ALS2CL: variants seen among roughly 807,000 people sequenced by gnomAD.
The protein encoded by ALS2CL is ALS2 C-terminal like, also known as ALS2 C-terminal-like protein.
ALS2CL carries 112 observed loss-of-function variants against 127.9 expected under a neutral mutation model. The ratio of observed to expected loss-of-function variants is 0.88; its 90% CI spans 0.75 to 1.02. The LOEUF is 1.02. ALS2CL is among the 50% of genes least tolerant of loss of function. The pLI is 0.00. For synonymous variants in ALS2CL, 519 were observed against 527.6 expected, an observed-to-expected ratio of 0.98 and a Z score of 0.22; for missense variants, 1,174 against 1,236.7, an observed-to-expected ratio of 0.95 and a Z score of 0.76.
At position 46,671,885 on chromosome 3, in the gene ALS2CL, G is replaced by A. The variant is rs768343658; in HGVS notation, c.2683C>T (p.Arg895Ter). Residue 895 changes from arginine (R) to a stop codon, truncating the protein, a stop_gained and splice_region_variant, in exon 24 of 26, where the codon CGA (arginine) becomes TGA (stop). Coordinates refer to ENST00000318962, the MANE Select transcript of ALS2CL (RefSeq NM_147129.5). LOFTEE classifies it high-confidence loss of function. Reference protein sequence around the residue: ...PLLIYVVSRARIQHLGAEIHL... With the variant: ...PLLIYVVSRA ...ACCCCCAGCTCCTGACTGCCTCACC[G>A]GGCGCGCGACACCACGTAGATGAGA... is the stretch of plus-strand genomic sequence containing the variant. 20 of 1,613,310 alleles carry A rather than the reference G, an allele frequency of 1.2e-5. No homozygotes were observed. Among genetic ancestry groups the A allele is most frequent in the East Asian group, 4.5e-5 (2 of 44,848 alleles).
Position 46,678,481 on chromosome 3 carries a change from G to A in ALS2CL, c.1627-92C>T. 2.0e-6 allele frequency: 3 copies of A among 1,489,340 alleles called. No homozygotes were observed. In the South Asian group the frequency reaches 4.0e-5, roughly 20 times the overall value. 92.3% of individuals were successfully genotyped at this position (1,489,340 alleles called of 1,614,324 possible). A position where few individuals can be genotyped will look rare whatever the true frequency, so the allele number is the denominator to read the frequency against. ...GCCACAAGCCTGTCCATCAGTGTCAGAGAGGCTAAGGACTAATGAATGGGC... is the reference window on the plus strand; with the variant it reads ...GCCACAAGCCTGTCCATCAGTGTCAAAGAGGCTAAGGACTAATGAATGGGC... On this transcript the variant is annotated intron_variant, in intron 15 of 25. Coordinates refer to ENST00000318962, the MANE Select transcript of ALS2CL (RefSeq NM_147129.5).
rs865826628 is a variant in ALS2CL at position 46,679,280 on chromosome 3, C to T, written c.1556G>A (p.Gly519Asp). The part of the protein sequence containing the change: ...TFQADKTVGP[G>D]ILLSEDDSLY... ...GGAGTCGTCTTCAGAGAGGAGGATG[C>T]CCGGGCCCTTGGGGAGAGGAAGCCA... Residue 519 changes from glycine (G) to aspartate (D), a missense_variant, in exon 15 of 26, where the codon GGC becomes GAC. By Grantham distance (94) the Gly-to-Asp change is moderately conservative (BLOSUM62 -1). Coordinates refer to ENST00000318962, the MANE Select transcript of ALS2CL (RefSeq NM_147129.5). The T allele has an allele frequency of 3.2e-6, 5 of 1,587,284 alleles. No individual in the cohort carries two copies. In the South Asian group the frequency reaches 4.6e-5, roughly 15 times the overall value.
At chr3:46,677,979 C>T (rs1168309702) in intron 16 of ALS2CL, among the ~76,000 whole-genome samples, 1 of 142,908 alleles carries the variant, frequency 7.0e-6, no homozygotes, top group African/African-American at 2.7e-5. Flanking sequence ...GGTTTGTAAA[C>T]CGTATTGTAT....
At chr3:46,685,391 C>T (rs539017732) in intron 7 of ALS2CL, 134 bp downstream of exon 7, 88 of 1,429,734 alleles carry the variant, frequency 6.2e-5, no homozygotes, top group Admixed American at 5.6e-4. Context: ...CCCAACACAA[C>T]GCCTTTCTAT....
rs1014595659 is a variant in ALS2CL, at chr3:46,674,598, A to G, written c.2397T>C (p.Asp799=). The G allele has an allele frequency of 7.4e-6, 12 of 1,613,816 alleles. No individual in the cohort carries two copies. The African/African-American group carries it at 9.3e-5, about 13-fold the overall frequency. ...CATCCAGGAACTCGAGCAGTTGGGTATCAGGAAAGAGGCTCAAGTTGGCAA... is the reference window on the plus strand; with the variant it reads ...CATCCAGGAACTCGAGCAGTTGGGTGTCAGGAAAGAGGCTCAAGTTGGCAA... ...QGIANLSLFP[D]TQLLEFLDVQ... is the part of the protein sequence containing the mutation. Residue 799 remains aspartate (D), a synonymous_variant, in exon 21 of 26, where the codon GAT becomes GAC. Transcript: ENST00000318962.
In ALS2CL at chr3:46,676,283, C is replaced by G; in HGVS notation, c.2148G>C (p.Glu716Asp). Reference protein sequence around the residue: ...NKHLQELAQEEVKQHAQELWA... With the variant: ...NKHLQELAQEDVKQHAQELWA... ...AGAGTTCCTGGGCATGCTGCTTCAC[C>G]TCCTCCTGGGCCAGCTCCTGCAGGT... is the stretch of plus-strand genomic sequence containing the variant. Residue 716 changes from glutamate (E) to aspartate (D), a missense_variant, in exon 19 of 26, where the codon GAG becomes GAC. By Grantham distance (45) the Glu-to-Asp change is conservative (BLOSUM62 2). Transcript: ENST00000318962. 6.2e-7 allele frequency: 1 copy of G among 1,613,680 alleles called. No homozygotes were observed. The highest frequency in any genetic ancestry group is 1.1e-5 in the South Asian group (1 of 91,056).
rs1699830483 is a variant in ALS2CL, at chr3:46,686,909, C to G, written c.534+74G>C. Reference sequence around the variant, plus strand: ...TTGTACTAGGGTTCCTGAGTATAGGCTGAGCCCCCTGAGTCTGGGCCCTAT... The same window carrying G: ...TTGTACTAGGGTTCCTGAGTATAGGGTGAGCCCCCTGAGTCTGGGCCCTAT... On this transcript the variant is annotated intron_variant, in intron 5 of 25. Coordinates refer to ENST00000318962, the MANE Select transcript of ALS2CL (RefSeq NM_147129.5). The surrounding 1 kb of genome is among the most constrained non-coding windows in gnomAD (Gnocchi z 4.3). The G allele has an allele frequency of 7.0e-7, 1 of 1,434,468 alleles. No homozygotes were observed. The highest frequency in any genetic ancestry group is 1.4e-5 in the African/African-American group (1 of 70,216). 88.9% of individuals were successfully genotyped at this position (1,434,468 alleles called of 1,614,324 possible).
intron 22 of ALS2CL, among the ~76,000 whole-genome samples, chr3:46,672,913 G>A (rs988336695): frequency 6.6e-6 from 1 of 152,196 alleles, no homozygotes; most frequent in South Asian, 2.1e-4. Flanking sequence ...GGCTGAGGCA[G>A]GTTAGTCACT....
Position 46,680,529 on chromosome 3 carries a change from G to A in ALS2CL, c.1449C>T (p.Tyr483=). The A allele has an allele frequency of 6.2e-7, 1 of 1,612,524 alleles. No individual in the cohort carries two copies. Among genetic ancestry groups the A allele is most frequent in the South Asian group, 1.1e-5 (1 of 91,084 alleles). Residue 483 remains tyrosine (Y), a synonymous_variant, in exon 14 of 26, where the codon TAC becomes TAT. Transcript: ENST00000318962. ...IEEDGDRGER[Y]IGMWQAGQRH... ...GCTGACCAGCCTGCCACATGCCAAT[G>A]TAGCGCTCACCTCTGGAAGGAGAGG...
chr3:46,673,682 T>C (rs1387307928), intron 21 of ALS2CL, among the ~76,000 whole-genome samples: 1 of 152,154 alleles, frequency 6.6e-6, no homozygotes, highest in Non-Finnish European at 1.5e-5. Flanking sequence ...AGCACAGGGC[T>C]GTGAGCAGGG....
intron 2 of ALS2CL, among the ~76,000 whole-genome samples, chr3:46,688,570 A>G (rs2106746071): frequency 6.6e-6 from 1 of 152,318 alleles, no homozygotes; most frequent in Non-Finnish European, 1.5e-5. Flanking sequence ...TGACAGCCTC[A>G]GGGAACTAAG....
rs1575448432 is a variant in ALS2CL at position 46,688,046 on chromosome 3, G to T, written c.302+52C>A. 12 of 1,589,418 alleles carry T rather than the reference G, an allele frequency of 7.5e-6. No homozygotes were observed. In the South Asian group the frequency reaches 1.3e-4, roughly 18 times the overall value. ...AACCCCAGGTGAACCTTAATGCCAG[G>T]TGTCACTCTGACACCAGGGATGAGC... On this transcript the variant is annotated intron_variant, in intron 3 of 25. Transcript: ENST00000318962.
Position 46,686,219 on chromosome 3 carries a change from G to A in ALS2CL, c.666+89C>T. ...TTCCATATAGGGAAACTGAGGCCCA[G>A]AGAATACAGCAAGCAGCTCAAGCCC... On this transcript the variant is annotated intron_variant, in intron 6 of 25. Coordinates refer to ENST00000318962, the MANE Select transcript of ALS2CL (RefSeq NM_147129.5). The surrounding 1 kb of genome is among the most constrained non-coding windows in gnomAD (Gnocchi z 4.3). 1 of 1,460,066 alleles carries A rather than the reference G, an allele frequency of 6.8e-7. No individual in the cohort carries two copies. Among genetic ancestry groups the A allele is most frequent in the Non-Finnish European group, 9.1e-7 (1 of 1,102,432 alleles). The allele number at this position is 1,460,066 out of a possible 1,614,324, so 90.4% of individuals were successfully genotyped here.
At chr3:46,676,792 C>A (rs1264712463) in intron 17 of ALS2CL, 54 bp from the exon 18 acceptor site, 9 of 1,607,606 alleles carry the variant, frequency 5.6e-6, no homozygotes, top group Admixed American at 5.0e-5. Context: ...CCCCCTCCCC[C>A]CAGGAAGCCC....
In ALS2CL at chr3:46,672,082, A is replaced by G. The variant is rs374276986; in HGVS notation, c.2535-49T>C. The stretch of plus-strand genomic sequence containing the variant: ...GGTCAAGGCCCTTGGTTCAGTCCCA[A>G]CCAGGAGCACCCCACACTCTGCCTC... On this transcript the variant is annotated intron_variant, in intron 23 of 25. Coordinates refer to ENST00000318962, the MANE Select transcript of ALS2CL (RefSeq NM_147129.5). The G allele has an allele frequency of 1.4e-5, 23 of 1,613,954 alleles. No homozygotes were observed. The Admixed American group carries it at 2.2e-4, about 15-fold the overall frequency.
In ALS2CL at chr3:46,676,353, A is replaced by T. The variant is rs139273792; in HGVS notation, c.2078T>A (p.Met693Lys). ...HPLGKLLRTL[M>K]LTFQATYAGV... ...TGCGTAGGTAGCCTGGAAGGTCAGCATCAGTGTCCGGAGCAGCTTTCCCAG... is the reference window on the plus strand; with the variant it reads ...TGCGTAGGTAGCCTGGAAGGTCAGCTTCAGTGTCCGGAGCAGCTTTCCCAG... Residue 693 changes from methionine (M) to lysine (K), a missense_variant, in exon 19 of 26, where the codon ATG (methionine) becomes AAG (lysine). Transcript: ENST00000318962. 1.9e-6 allele frequency: 3 copies of T among 1,613,838 alleles called. No individual in the cohort carries two copies. The African/African-American group carries it at 4.0e-5, about 22-fold the overall frequency.
chr3:46,677,335 G>C (rs1279787778), intron 16 of ALS2CL: 6 of 1,175,834 alleles, frequency 5.1e-6, no homozygotes, highest in South Asian at 4.9e-5. Context: ...TGGTCCAAGA[G>C]AGACCAGTGT....
In ALS2CL at chr3:46,689,348, C is replaced by G; in HGVS notation, c.93G>C (p.Leu31=). The change falls in exon 2 of 26, where the codon CTG becomes CTC. Residue 31 remains leucine, a synonymous_variant. Transcript: ENST00000318962. ...AAAGCCTAGACTCACCGGCTGGGAG[C>G]AGGGGCTGGAGGACAAGGCTGTTGA... ...AHVNSLVLQP[L]LPAAPDPSDP... is the part of the protein sequence containing the mutation. 1 of 1,612,904 alleles carries G rather than the reference C, an allele frequency of 6.2e-7. No homozygotes were observed. Among genetic ancestry groups the G allele is most frequent in the South Asian group, 1.1e-5 (1 of 90,928 alleles).
intron 9 of ALS2CL, 63 bp from the exon 10 acceptor site, chr3:46,683,389 C>A: frequency 6.7e-7 from 1 of 1,502,440 alleles, no homozygotes; most frequent in South Asian, 1.2e-5. Flanking sequence ...CTCCAGGAAG[C>A]CTTCTGGGGT....
Sources: gnomAD v4.1 joint callset for allele counts (sites outside exome capture counted in the v4.1 genomes callset) on GRCh38, gnomAD v4.1.1 for gene constraint, Gnocchi (gnomAD v3.1) non-coding constraint, MANE v1.5 for transcripts, NCBI Gene and HGNC (gene_info 2026-07-23, HGNC 2026-07-21) for gene names.